Variants in ABTB3 observed in about 807,000 individuals in gnomAD.
ABTB3 encodes the protein ankyrin repeat- and BTB/POZ domain-containing protein 3.
the ABTB3 span, chr12:107,635,265 C>T: frequency 3.5e-5 from 57 of 1,609,714 alleles, no homozygotes; most frequent in Non-Finnish European, 4.7e-5. Context: ...GTATCATGAC[C>T]TCCTCTTTCT....
chr12:107,406,502 C>T, the ABTB3 span, among the ~76,000 whole-genome samples: 2 of 151,842 alleles, frequency 1.3e-5, no homozygotes, highest in African/African-American at 2.4e-5. Context: ...TCCCAGGACT[C>T]GGAGTCTGGT....
At chr12:107,609,961 A>C in the ABTB3 span, 1 of 557,128 alleles carries the variant, frequency 1.8e-6, no homozygotes, top group Admixed American at 3.0e-5. Context: ...TCGTTATGTG[A>C]CTTAGCTCAG....
At chr12:107,564,521 A>G in the ABTB3 span, among the ~76,000 whole-genome samples, 1 of 152,224 alleles carries the variant, frequency 6.6e-6, no homozygotes, top group Admixed American at 6.5e-5. Flanking sequence ...CCTTGGGTTC[A>G]TTGGCCATGT....
At chr12:107,463,078 C>T in the ABTB3 span, among the ~76,000 whole-genome samples, 2 of 140,612 alleles carry the variant, frequency 1.4e-5, no homozygotes, top group East Asian at 2.2e-4. Context: ...GTGGTAATGA[C>T]AATGGTAGTG....
chr12:107,459,665 G>A, the ABTB3 span, among the ~76,000 whole-genome samples: 3 of 152,216 alleles, frequency 2.0e-5, no homozygotes, highest in South Asian at 2.1e-4. Flanking sequence ...ACAGCCCAGC[G>A]GGGTGCAGGC....
the ABTB3 span, among the ~76,000 whole-genome samples, chr12:107,603,796 T>G: frequency 6.6e-6 from 1 of 152,058 alleles, no homozygotes; most frequent in Non-Finnish European, 1.5e-5. Flanking sequence ...TACTTGCAAA[T>G]CATACATCTG....
the ABTB3 span, among the ~76,000 whole-genome samples, chr12:107,462,564 G>A: frequency 6.6e-6 from 1 of 152,174 alleles, no homozygotes. Context: ...TGTAGTGATA[G>A]TGATGATAAT....
At chr12:107,585,599 C>T in the ABTB3 span, among the ~76,000 whole-genome samples, 6 of 152,286 alleles carry the variant, frequency 3.9e-5, no homozygotes, top group East Asian at 3.9e-4. Context: ...ATGAATCTAA[C>T]GAATTGCACC....
chr12:107,544,085 T>C, the ABTB3 span: 26 of 1,613,856 alleles, frequency 1.6e-5, no homozygotes, highest in Non-Finnish European at 2.2e-5. Flanking sequence ...TGCCCACAAA[T>C]GGAATGGGAA....
the ABTB3 span, among the ~76,000 whole-genome samples, chr12:107,614,202 C>A: frequency 6.6e-6 from 1 of 152,290 alleles, no homozygotes; most frequent in East Asian, 1.9e-4. Context: ...GCTGATCTTG[C>A]AAGACCCTGG....
At chr12:107,464,206 AGTGTGT>A in the ABTB3 span, among the ~76,000 whole-genome samples, 13,423 of 133,276 alleles carry the variant, frequency 0.1, 622 homozygotes, top group Middle Eastern at 0.15. Flanking sequence ...ACATGTGAAG[AGTGTGT>A]GTGTGTGTGT....
the ABTB3 span, among the ~76,000 whole-genome samples, chr12:107,536,616 C>A: frequency 6.6e-6 from 1 of 152,052 alleles, no homozygotes; most frequent in Non-Finnish European, 1.5e-5. Flanking sequence ...AAGTAGCCAA[C>A]AAGTATATTT....
At chr12:107,608,956 T>A in the ABTB3 span, among the ~76,000 whole-genome samples, 12 of 66,324 alleles carry the variant, frequency 1.8e-4, 1 homozygote, top group Admixed American at 3.7e-4. Context: ...TAAAATAAAA[T>A]ATAAAATAAA....
chr12:107,517,061 G>A, the ABTB3 span, among the ~76,000 whole-genome samples: 1 of 152,180 alleles, frequency 6.6e-6, no homozygotes, highest in Admixed American at 6.5e-5. Flanking sequence ...GGTGTAAAGG[G>A]ATCCAGTTTC....
chr12:107,337,628 A>G, the ABTB3 span, among the ~76,000 whole-genome samples: 3 of 152,106 alleles, frequency 2.0e-5, no homozygotes, highest in African/African-American at 7.2e-5. Context: ...TGCAGTGGGG[A>G]TGTAGGGGCT....
At chr12:107,390,918 A>G in the ABTB3 span, among the ~76,000 whole-genome samples, 112 of 152,316 alleles carry the variant, frequency 7.4e-4, no homozygotes, top group African/African-American at 2.4e-3. Flanking sequence ...TGGGAGGCCA[A>G]AGTGGGTGGA....
chr12:107,645,260 T>C, the ABTB3 span, among the ~76,000 whole-genome samples: 1 of 152,124 alleles, frequency 6.6e-6, no homozygotes, highest in African/African-American at 2.4e-5. Context: ...AGCCACTGCG[T>C]CTGGCCCAGA....
chr12:107,580,744 A>G, the ABTB3 span: 295 of 1,361,944 alleles, frequency 2.2e-4, 1 homozygote, highest in African/African-American at 3.5e-3. Flanking sequence ...GGGAGCCCCA[A>G]ATAGAAATAA....
the ABTB3 span, among the ~76,000 whole-genome samples, chr12:107,571,521 C>T: frequency 6.6e-6 from 1 of 152,244 alleles, no homozygotes; most frequent in Non-Finnish European, 1.5e-5. Flanking sequence ...TGACCAGGCC[C>T]GTCCCTGCCC....
Sources: gnomAD v4.1 joint callset for allele counts (sites outside exome capture counted in the v4.1 genomes callset) on GRCh38, gnomAD v4.1.1 for gene constraint, MANE v1.5 for transcripts, NCBI Gene and HGNC (gene_info 2026-07-23, HGNC 2026-07-21) for gene names.